Variants in DCC observed in about 807,000 individuals in gnomAD.
DCC encodes DCC netrin 1 receptor.
In DCC, 58 loss-of-function variants were observed where a neutral mutation model predicts 172.5. That is an observed-to-expected ratio of 0.34 (90% CI 0.27 to 0.42). DCC has a LOEUF of 0.42. DCC is among the 10% of genes least tolerant of loss of function. DCC has a pLI of 1.00. For synonymous variants in DCC, 709 were observed against 644.5 expected, an observed-to-expected ratio of 1.10 and a Z score of -1.52; for missense variants, 1,740 against 1,791.0, an observed-to-expected ratio of 0.97 and a Z score of 0.51.
At chr18:52,347,011 T>C (rs1046880679) in intron 1 of DCC, among the ~76,000 whole-genome samples, 9 of 152,190 alleles carry the variant, frequency 5.9e-5, no homozygotes, top group Non-Finnish European at 1.2e-4. Flanking sequence ...GGAGATTTCT[T>C]CCTGGTTCAT....
chr18:53,461,784 G>A (rs1228460101), intron 24 of DCC, among the ~76,000 whole-genome samples: 1 of 152,174 alleles, frequency 6.6e-6, no homozygotes, highest in African/African-American at 2.4e-5. Flanking sequence ...TGTCACTCCA[G>A]TTATTGAAGG....
chr18:52,757,223 C>T (rs1329528683), intron 2 of DCC: 1 of 152,096 alleles, frequency 6.6e-6, no homozygotes, highest in Non-Finnish European at 1.5e-5. Context: ...GATTGAGTGA[C>T]CTTGCAATCA....
intron 1 of DCC, among the ~76,000 whole-genome samples, chr18:52,682,834 G>A (rs2035771908): frequency 6.6e-6 from 1 of 152,020 alleles, no homozygotes; most frequent in Non-Finnish European, 1.5e-5. Flanking sequence ...AAGGGAAGTG[G>A]GCCTCGTTTA....
At chr18:53,223,499 A>G (rs1021363600) in intron 12 of DCC, among the ~76,000 whole-genome samples, 8 of 152,102 alleles carry the variant, frequency 5.3e-5, no homozygotes, top group Non-Finnish European at 1.2e-4. Flanking sequence ...CCCTCAAGTC[A>G]TACATTTTTG....
chr18:52,491,030 C>T (rs568289233), intron 1 of DCC, among the ~76,000 whole-genome samples: 34 of 152,212 alleles, frequency 2.2e-4, no homozygotes, highest in South Asian at 1.9e-3. Flanking sequence ...ATTGCAAAGG[C>T]AAGCAACTTC....
intron 2 of DCC, among the ~76,000 whole-genome samples, chr18:52,820,766 G>C (rs538112708): frequency 2.0e-5 from 3 of 152,150 alleles, no homozygotes; most frequent in Admixed American, 1.3e-4. Context: ...CAGGCACACA[G>C]AAATCAACTT....
intron 1 of DCC, among the ~76,000 whole-genome samples, chr18:52,352,743 C>T (rs1219101814): frequency 3.3e-5 from 5 of 152,106 alleles, no homozygotes; most frequent in African/African-American, 7.2e-5. Flanking sequence ...TTTAGAATCT[C>T]GGAGATGTAT....
At chr18:53,227,465 C>T (rs1434850475) in intron 12 of DCC, among the ~76,000 whole-genome samples, 1 of 152,112 alleles carries the variant, frequency 6.6e-6, no homozygotes. Flanking sequence ...TTTTCCAAAG[C>T]TGTTCAAAAC....
At chr18:52,526,829 C>T (rs2031997861) in intron 1 of DCC, among the ~76,000 whole-genome samples, 1 of 152,088 alleles carries the variant, frequency 6.6e-6, no homozygotes, top group Admixed American at 6.6e-5. Context: ...TTTCATAGAT[C>T]CATCTATTTT....
chr18:53,130,044 A>T (rs2043627440), intron 7 of DCC, among the ~76,000 whole-genome samples: 2 of 152,050 alleles, frequency 1.3e-5, no homozygotes, highest in Non-Finnish European at 1.5e-5. Context: ...AAATTTCTTT[A>T]TGTGTTTCTT....
chr18:53,016,687 A>G (rs2041811525), intron 5 of DCC, among the ~76,000 whole-genome samples: 1 of 152,104 alleles, frequency 6.6e-6, no homozygotes, highest in Non-Finnish European at 1.5e-5. Flanking sequence ...TTGTCTTTTG[A>G]GACTAGAGAA....
At chr18:53,066,393 ATATATG>A (rs1388062180) in intron 7 of DCC, among the ~76,000 whole-genome samples, 1,137 of 103,190 alleles carry the variant, frequency 0.011, 11 homozygotes, top group Non-Finnish European at 0.018. Flanking sequence ...ATATATATAT[ATATATG>A]TGCATGTGTG....
At chr18:52,342,388 C>T (rs578188910) in intron 1 of DCC, among the ~76,000 whole-genome samples, 47 of 151,074 alleles carry the variant, frequency 3.1e-4, no homozygotes, top group African/African-American at 1.1e-3. Context: ...CCTCCCGGGC[C>T]GGTCCCCTCC....
At chr18:52,685,106 G>A (rs112748436) in intron 1 of DCC, among the ~76,000 whole-genome samples, 5 of 152,144 alleles carry the variant, frequency 3.3e-5, no homozygotes, top group African/African-American at 1.2e-4. Flanking sequence ...TTGTCTGTAT[G>A]TTCCAACACA....
intron 5 of DCC, among the ~76,000 whole-genome samples, chr18:52,928,210 C>T (rs1332763114): frequency 6.6e-6 from 1 of 152,014 alleles, no homozygotes; most frequent in Non-Finnish European, 1.5e-5. Flanking sequence ...ACATTGAGTA[C>T]ACATGGACAC....
At chr18:53,333,718 G>T (rs1324762704) in intron 14 of DCC, among the ~76,000 whole-genome samples, 1 of 152,122 alleles carries the variant, frequency 6.6e-6, no homozygotes. Context: ...GAACACCTTG[G>T]GGGGTTTTGA....
chr18:52,340,924 C>G (rs773987830), intron 1 of DCC, 46 bp downstream of exon 1: 3 of 1,392,512 alleles, frequency 2.2e-6, no homozygotes, highest in Non-Finnish European at 3.1e-6. Context: ...CTTCCGTACC[C>G]CACTTCCCTT....
chr18:52,802,732 C>T (rs962288319), intron 2 of DCC, among the ~76,000 whole-genome samples: 3 of 127,366 alleles, frequency 2.4e-5, no homozygotes, highest in African/African-American at 9.0e-5. Context: ...TCTTGAACTC[C>T]TGGGCTGAAG....
At chr18:52,879,550 A>G (rs922992828) in intron 2 of DCC, among the ~76,000 whole-genome samples, 19 of 146,264 alleles carry the variant, frequency 1.3e-4, no homozygotes, top group African/African-American at 5.0e-4. Flanking sequence ...CAGCCTCCTC[A>G]GAGCTGGTAG....
Sources: allele counts gnomAD v4.1 joint callset (sites outside exome capture counted in the v4.1 genomes callset), GRCh38; gene constraint gnomAD v4.1.1; transcripts MANE v1.5; gene names NCBI Gene and HGNC (gene_info 2026-07-23, HGNC 2026-07-21).